The following ROBO2 variants were observed in gnomAD, a reference collection of about 807,000 sequenced individuals.
The protein encoded by ROBO2 is roundabout guidance receptor 2.
In ROBO2, 53 loss-of-function variants were observed where a neutral mutation model predicts 160.8. That is an observed-to-expected ratio of 0.33 (90% confidence interval 0.26 to 0.41). The LOEUF is 0.41. Ranked by LOEUF, ROBO2 falls within the 10% of genes least tolerant of loss-of-function variation. ROBO2 has a pLI of 1.00. For missense variants in ROBO2, 1,577 were observed against 1,722.4 expected, an observed-to-expected ratio of 0.92 and a Z score of 1.49; for synonymous variants, 664 against 611.7, an observed-to-expected ratio of 1.09 and a Z score of -1.26.
chr3:77,486,027 C>T (rs1462317659), intron 4 of ROBO2, among the ~76,000 whole-genome samples: 1 of 152,140 alleles, frequency 6.6e-6, no homozygotes, highest in Non-Finnish European at 1.5e-5. Context: ...TAAGAACACG[C>T]AGTGTTTGGT....
At chr3:76,431,653 AC>A (rs2076442762) in intron 2 of ROBO2, among the ~76,000 whole-genome samples, 1 of 152,152 alleles carries the variant, frequency 6.6e-6, no homozygotes, top group Non-Finnish European at 1.5e-5. Context: ...AGAAAATATC[AC>A]TAAATGGAAA....
intron 23 of ROBO2, among the ~76,000 whole-genome samples, chr3:77,625,470 C>T (rs1167878130): frequency 6.6e-6 from 1 of 151,850 alleles, no homozygotes; most frequent in Non-Finnish European, 1.5e-5. Flanking sequence ...CTATCCCTCT[C>T]GGGTTCAAGC....
At chr3:77,293,874 A>G (rs2061647648) in intron 2 of ROBO2, among the ~76,000 whole-genome samples, 1 of 141,758 alleles carries the variant, frequency 7.1e-6, no homozygotes, top group South Asian at 2.2e-4. Context: ...CCAGATGTAA[A>G]GTAAAATTGA....
At chr3:76,014,466 G>A (rs1313188044) in intron 2 of ROBO2, among the ~76,000 whole-genome samples, 2 of 150,906 alleles carry the variant, frequency 1.3e-5, no homozygotes, top group Admixed American at 6.6e-5. Context: ...AAGGCAATTG[G>A]CAGCTGGCCT....
At chr3:76,490,613 G>A (rs898886169) in intron 2 of ROBO2, among the ~76,000 whole-genome samples, 2 of 152,076 alleles carry the variant, frequency 1.3e-5, no homozygotes, top group South Asian at 2.1e-4. Flanking sequence ...CTAATATGTC[G>A]CCATGATAAA....
intron 7 of ROBO2, among the ~76,000 whole-genome samples, chr3:77,547,844 G>A (rs948977153): frequency 6.6e-6 from 1 of 151,928 alleles, no homozygotes; most frequent in African/African-American, 2.4e-5. Context: ...TACAAAACAG[G>A]TTTCTACACA....
chr3:76,292,887 T>C (rs918879749), intron 2 of ROBO2, among the ~76,000 whole-genome samples: 3 of 152,282 alleles, frequency 2.0e-5, no homozygotes, highest in Non-Finnish European at 1.5e-5. Flanking sequence ...CTGACCTACC[T>C]TGTTACAAGT....
chr3:76,237,743 T>C (rs1705032483), intron 2 of ROBO2, among the ~76,000 whole-genome samples: 2 of 152,028 alleles, frequency 1.3e-5, no homozygotes, highest in Admixed American at 1.3e-4. Flanking sequence ...AAAAAATAAA[T>C]AAATATAAAA....
At chr3:77,242,526 T>A (rs1230884086) in intron 2 of ROBO2, among the ~76,000 whole-genome samples, 1 of 152,166 alleles carries the variant, frequency 6.6e-6, no homozygotes, top group Non-Finnish European at 1.5e-5. Context: ...ATTTCTTCAG[T>A]GTGTGGGAAT....
intron 2 of ROBO2, among the ~76,000 whole-genome samples, chr3:76,338,794 C>T (rs2074046631): frequency 6.6e-6 from 1 of 150,856 alleles, no homozygotes; most frequent in African/African-American, 2.4e-5. Flanking sequence ...GATTAATAAA[C>T]ATAATGAAAT....
chr3:76,563,755 AAT>A (rs1380202163), intron 2 of ROBO2, among the ~76,000 whole-genome samples: 1 of 152,214 alleles, frequency 6.6e-6, no homozygotes, highest in African/African-American at 2.4e-5. Flanking sequence ...CACATGACAT[AAT>A]ATATGTTATC....
intron 2 of ROBO2, chr3:77,316,831 G>A (rs548155412): frequency 4.6e-6 from 6 of 1,296,350 alleles, no homozygotes; most frequent in East Asian, 2.3e-5. Flanking sequence ...AGCTGACAGT[G>A]TCAGTTTGAT....
intron 2 of ROBO2, among the ~76,000 whole-genome samples, chr3:76,865,712 A>G (rs2148646227): frequency 6.6e-6 from 1 of 152,276 alleles, no homozygotes; most frequent in East Asian, 1.9e-4. Context: ...TAGTGAAACA[A>G]AATTTTGTTT....
chr3:77,127,328 C>G (rs1319920914), intron 2 of ROBO2, among the ~76,000 whole-genome samples: 1 of 152,108 alleles, frequency 6.6e-6, no homozygotes, highest in African/African-American at 2.4e-5. Flanking sequence ...GTCCTTGCCT[C>G]TCTCCTGTCT....
intron 2 of ROBO2, among the ~76,000 whole-genome samples, chr3:77,394,798 C>T (rs1291362215): frequency 6.6e-6 from 1 of 152,102 alleles, no homozygotes; most frequent in Non-Finnish European, 1.5e-5. Context: ...CTTCACTCCA[C>T]CAAATTCACT....
chr3:76,856,765 A>G (rs1471290801), intron 2 of ROBO2, among the ~76,000 whole-genome samples: 1 of 152,218 alleles, frequency 6.6e-6, no homozygotes, highest in African/African-American at 2.4e-5. Context: ...CTTGTATAAT[A>G]TATACAAAAG....
chr3:77,285,096 C>A (rs918348545), intron 2 of ROBO2, among the ~76,000 whole-genome samples: 1 of 152,074 alleles, frequency 6.6e-6, no homozygotes, highest in African/African-American at 2.4e-5. Flanking sequence ...GAAAATTAAT[C>A]TTTGGTGATA....
chr3:76,985,220 AAT>A (rs1485164038), intron 2 of ROBO2, among the ~76,000 whole-genome samples: 1 of 152,160 alleles, frequency 6.6e-6, no homozygotes, highest in Non-Finnish European at 1.5e-5. Flanking sequence ...AGTGAGCTAA[AAT>A]ATATGTTATA....
At chr3:77,610,532 G>T (rs1015986089) in intron 21 of ROBO2, among the ~76,000 whole-genome samples, 3 of 151,858 alleles carry the variant, frequency 2.0e-5, no homozygotes, top group Non-Finnish European at 2.9e-5. Flanking sequence ...GGTGAATCTA[G>T]AATCATTTAC....
Sources: allele counts gnomAD v4.1 joint callset (sites outside exome capture counted in the v4.1 genomes callset), GRCh38; gene constraint gnomAD v4.1.1; transcripts MANE v1.5; gene names NCBI Gene and HGNC (gene_info 2026-07-23, HGNC 2026-07-21).